OPTN: variants seen among roughly 807,000 people sequenced by gnomAD.
The protein encoded by OPTN is optineurin.
In OPTN, 54 loss-of-function variants were observed where a neutral mutation model predicts 70.4. The ratio of observed to expected loss-of-function variants is 0.77; its 90% confidence interval spans 0.62 to 0.96. The LOEUF is 0.96. Ranked by LOEUF, OPTN falls within the 40% of genes least tolerant of loss-of-function variation. The pLI, the probability that OPTN is intolerant of heterozygous loss-of-function variation, is 0.00. For synonymous variants in OPTN, 256 were observed against 248.5 expected (o/e 1.03, Z -0.28); for missense variants, 624 against 673.2 (o/e 0.93, Z 0.81).
intron 1 of OPTN, among the ~76,000 whole-genome samples, chr10:13,100,665 G>A (rs1386136861): frequency 6.6e-6 from 1 of 152,234 alleles, no homozygotes; most frequent in Admixed American, 6.5e-5. Flanking sequence ...GCCATAAGGA[G>A]GTGGTTACAG....
chr10:13,110,953 G>C (rs1003574230), intron 4 of OPTN, among the ~76,000 whole-genome samples: 6 of 152,158 alleles, frequency 3.9e-5, no homozygotes, highest in African/African-American at 1.4e-4. Context: ...GTTGTGGTAG[G>C]AGGCTATCGC....
chr10:13,137,031 G>A lies in OPTN; in HGVS notation c.*165G>A. The A allele has an allele frequency of 2.3e-6, 2 of 873,974 alleles. No homozygotes were observed. Among genetic ancestry groups the A allele is most frequent in the Non-Finnish European group, 3.7e-6 (2 of 546,158 alleles). 54.1% of individuals were successfully genotyped at this position (873,974 alleles called of 1,614,324 possible). On this transcript the variant is annotated 3_prime_UTR_variant, in exon 15 of 15. Transcript: ENST00000378747. ...ACAGTGGCTCATGCCTGTAATCCCA[G>A]CACTTTGGGAGGTCGAGGTGGGTGG...
intron 5 of OPTN, among the ~76,000 whole-genome samples, chr10:13,113,839 C>T (rs548811770): frequency 9.1e-4 from 139 of 152,164 alleles, no homozygotes; most frequent in Non-Finnish European, 1.6e-3. Context: ...GGCAGGATCC[C>T]TTGAGCCCAG....
intron 14 of OPTN, among the ~76,000 whole-genome samples, chr10:13,135,024 A>G (rs556866570): frequency 6.6e-6 from 1 of 152,334 alleles, no homozygotes; most frequent in Non-Finnish European, 1.5e-5. Flanking sequence ...CTTTATGATC[A>G]ATACATACCT....
At chr10:13,114,778 T>G (rs1564358639) in intron 5 of OPTN, among the ~76,000 whole-genome samples, 2 of 100,340 alleles carry the variant, frequency 2.0e-5, no homozygotes. Context: ...AATTATATAA[T>G]TATATAATTA....
chr10:13,127,471 G>A (rs1833491612), intron 11 of OPTN, among the ~76,000 whole-genome samples: 1 of 151,994 alleles, frequency 6.6e-6, no homozygotes, highest in Non-Finnish European at 1.5e-5. Context: ...TTATTTGCAA[G>A]CCACAACTTA....
Position 13,127,759 on chromosome 10 carries a change from C to T in OPTN, c.1257C>T (p.Asp419=). 1.2e-6 allele frequency: 2 copies of T among 1,614,004 alleles called. No individual in the cohort carries two copies. Among genetic ancestry groups the T allele is most frequent in the Non-Finnish European group, 1.7e-6 (2 of 1,179,926 alleles). The change falls in exon 12 of 15, where the codon GAC becomes GAT. Residue 419 remains aspartate (D), a synonymous_variant. Coordinates refer to ENST00000378747, the MANE Select transcript of OPTN (RefSeq NM_001008212.2). ...ELTRKESEKV[D]RAVLKELSEK... ...TTCTTTTTCAGTCAGAAAAAGTGGA[C>T]AGGGCAGTGCTGAAGGAACTGAGTG...
Position 13,112,537 on chromosome 10 carries a change from G to A in OPTN, c.454G>A (p.Ala152Thr), listed in dbSNP as rs747811107. 6.2e-7 allele frequency: 1 copy of A among 1,614,128 alleles called. No homozygotes were observed. Among genetic ancestry groups the A allele is most frequent in the Admixed American group, 1.7e-5 (1 of 60,014 alleles). Residue 152 changes from alanine to threonine, a missense_variant, in exon 5 of 15, where the codon GCA becomes ACA. Coordinates refer to ENST00000378747, the MANE Select transcript of OPTN (RefSeq NM_001008212.2). ...QLRTQVVRLQAEKADLLGIVS... is the reference protein window; with the variant it reads ...QLRTQVVRLQTEKADLLGIVS... ...CAGGACCCAGGTGGTGAGGCTACAA[G>A]CAGAGAAGGCAGACCTGTTGGGCAT...
chr10:13,104,028 G>A (rs1444834324), intron 1 of OPTN, among the ~76,000 whole-genome samples: 1 of 151,934 alleles, frequency 6.6e-6, no homozygotes, highest in Non-Finnish European at 1.5e-5. Flanking sequence ...TGTAACCTTC[G>A]AAGACATGTG....
At chr10:13,127,003 C>A (rs1050374307) in intron 11 of OPTN, among the ~76,000 whole-genome samples, 15 of 152,102 alleles carry the variant, frequency 9.9e-5, no homozygotes, top group African/African-American at 3.6e-4. Flanking sequence ...CAGCCTGTGA[C>A]AGAGTGAGAA....
At position 13,132,178 on chromosome 10, in the gene OPTN, G is replaced by A; in HGVS notation, c.1513G>A (p.Ala505Thr). Residue 505 changes from alanine (A) to threonine (T), a missense_variant, in exon 13 of 15, where the codon GCT (alanine) becomes ACT (threonine). By Grantham distance (58) the Ala-to-Thr change is moderately conservative. Transcript: ENST00000378747. ...GGCAGTTCTGCTGAAAGAGAATGAT[G>A]CTTTCGAAGACGGAGGCAGGTAAGG... Reference protein sequence around the residue: ...QLAVLLKENDAFEDGGRQSLM... With the variant: ...QLAVLLKENDTFEDGGRQSLM... 2 of 1,613,060 alleles carry A rather than the reference G, an allele frequency of 1.2e-6. No individual in the cohort carries two copies. The highest frequency in any genetic ancestry group is 1.7e-6 in the Non-Finnish European group (2 of 1,179,250).
chr10:13,110,451 A>C lies in OPTN; in HGVS notation c.344A>C (p.Lys115Thr), dbSNP rs371927112. 5.6e-6 allele frequency: 9 copies of C among 1,613,930 alleles called. No homozygotes were observed. Among genetic ancestry groups the C allele is most frequent in the Non-Finnish European group, 7.6e-6 (9 of 1,179,852 alleles). The part of the protein sequence containing the change: ...EKLKEELGKL[K>T]GKSERSSEDP... ...TTGAAGGAAGAGCTTGGAAAACTAA[A>C]AGGGAAATCAGAAAGGTCATCTGAG... The change falls in exon 4 of 15, where the codon AAA becomes ACA. Residue 115 changes from lysine to threonine, a missense_variant. Physicochemically the swap from Lys to Thr is moderately conservative, Grantham distance 78. Transcript: ENST00000378747.
chr10:13,138,043 C>T lies in OPTN; in HGVS notation c.*1177C>T, dbSNP rs1175696771. On this transcript the variant is annotated 3_prime_UTR_variant, in exon 15 of 15. Transcript: ENST00000378747. ...TATTTTCTGTATTAAGCTCATTTGG[C>T]TTCATTTAAGCTGTATACTTAGTCA... The T allele has an allele frequency of 5.0e-6, 1 of 201,592 alleles. No individual in the cohort carries two copies. Among genetic ancestry groups the T allele is most frequent in the Non-Finnish European group, 1.0e-5 (1 of 98,128 alleles). The allele number at this position is 201,592 out of a possible 1,614,324, so 12.5% of individuals were successfully genotyped here.
chr10:13,119,197 A>C (rs1486396481), intron 7 of OPTN, among the ~76,000 whole-genome samples, 157 bp downstream of exon 7: 1 of 152,218 alleles, frequency 6.6e-6, no homozygotes, highest in Non-Finnish European at 1.5e-5. Flanking sequence ...ATATAATTTT[A>C]GAACATTTTT....
At chr10:13,126,901 G>A (rs533394387) in intron 11 of OPTN, among the ~76,000 whole-genome samples, 1 of 152,262 alleles carries the variant, frequency 6.6e-6, no homozygotes, top group East Asian at 1.9e-4. Flanking sequence ...GTTCGTGCCT[G>A]CGGTCCCAGC....
intron 5 of OPTN, 34 bp from the exon 6 acceptor site, chr10:13,116,233 T>C (rs754983786): frequency 1.8e-5 from 24 of 1,316,238 alleles, no homozygotes; most frequent in Middle Eastern, 1.8e-4. Flanking sequence ...TGTAGACATA[T>C]TGTGTTAAAT....
At position 13,137,788 on chromosome 10, in the gene OPTN, C is replaced by T. The variant is rs2131536534; in HGVS notation, c.*922C>T. On this transcript the variant is annotated 3_prime_UTR_variant, in exon 15 of 15. Transcript: ENST00000378747. ...TCGATGAAACCGATAACATTGGCCT[C>T]ATTGGATTTCTTTACCCATTCACAG... 4.4e-6 allele frequency: 1 copy of T among 227,894 alleles called. No individual in the cohort carries two copies. Among genetic ancestry groups the T allele is most frequent in the African/African-American group, 2.2e-5 (1 of 45,164 alleles). The allele number at this position is 227,894 out of a possible 1,614,324, so 14.1% of individuals were successfully genotyped here.
At chr10:13,127,125 C>A (rs1031439873) in intron 11 of OPTN, among the ~76,000 whole-genome samples, 1 of 152,132 alleles carries the variant, frequency 6.6e-6, no homozygotes, top group African/African-American at 2.4e-5. Context: ...GAATTTTTAG[C>A]CTTGTAAATA....
At chr10:13,132,845 A>G (rs936046446) in intron 13 of OPTN, among the ~76,000 whole-genome samples, 3 of 152,212 alleles carry the variant, frequency 2.0e-5, no homozygotes, top group Non-Finnish European at 2.9e-5. Flanking sequence ...CAAAATTCAG[A>G]GAATAAAATA....
Sources: allele counts gnomAD v4.1 joint callset (sites outside exome capture counted in the v4.1 genomes callset), GRCh38; gene constraint gnomAD v4.1.1; transcripts MANE v1.5; gene names NCBI Gene and HGNC (gene_info 2026-07-23, HGNC 2026-07-21).